Variants in SEL1L3 observed in about 807,000 individuals in gnomAD.
The protein encoded by SEL1L3 is SEL1L family member 3.
Under a neutral mutation model 142.8 loss-of-function variants are expected in SEL1L3, and 76 were observed. The ratio of observed to expected loss-of-function variants is 0.53; its 90% CI spans 0.44 to 0.64. The LOEUF (loss-of-function observed/expected upper bound fraction) is 0.64. Among genes scored for constraint, SEL1L3 ranks in the 30% least tolerant of loss-of-function variants. The pLI, the probability that SEL1L3 is intolerant of heterozygous loss-of-function variation, is 0.00. For missense variants in SEL1L3, 1,262 were observed against 1,381.7 expected, an observed-to-expected ratio of 0.91 and a Z score of 1.37; for synonymous variants, 504 against 519.6, an observed-to-expected ratio of 0.97 and a Z score of 0.41.
chr4:25,844,738 T>C (rs1716398499), intron 2 of SEL1L3, among the ~76,000 whole-genome samples: 1 of 152,216 alleles, frequency 6.6e-6, no homozygotes, highest in Non-Finnish European at 1.5e-5. Context: ...AAATTGTGGC[T>C]GTGTGTGCCC....
chr4:25,836,992 A>G (rs1715869511), intron 2 of SEL1L3, among the ~76,000 whole-genome samples: 1 of 152,092 alleles, frequency 6.6e-6, no homozygotes, highest in Non-Finnish European at 1.5e-5. Context: ...GTAGCCACAA[A>G]TCTTCATGGT....
chr4:25,758,396 A>G (rs1280618481), intron 21 of SEL1L3, among the ~76,000 whole-genome samples: 3 of 152,264 alleles, frequency 2.0e-5, no homozygotes, highest in South Asian at 2.1e-4. Flanking sequence ...ACTTGAACCC[A>G]AGAAGTGGAG....
intron 20 of SEL1L3, among the ~76,000 whole-genome samples, chr4:25,763,992 A>G (rs1308243874): frequency 6.6e-6 from 1 of 152,224 alleles, no homozygotes; most frequent in Non-Finnish European, 1.5e-5. Flanking sequence ...CCATCATGAA[A>G]ATGATTCTGA....
chr4:25,724,344 G>A, the SEL1L3 span, among the ~76,000 whole-genome samples: 9 of 152,016 alleles, frequency 5.9e-5, no homozygotes, highest in South Asian at 2.1e-4. Context: ...GCTTGAGCCC[G>A]GGAGGTTCAG....
chr4:25,844,473 C>T (rs1340051461), intron 2 of SEL1L3, among the ~76,000 whole-genome samples: 2 of 152,170 alleles, frequency 1.3e-5, no homozygotes, highest in East Asian at 1.9e-4. Context: ...TAAGGTAATG[C>T]TCTGAAGCAG....
At chr4:25,723,255 T>G in the SEL1L3 span, among the ~76,000 whole-genome samples, 5 of 152,230 alleles carry the variant, frequency 3.3e-5, no homozygotes, top group African/African-American at 1.2e-4. Context: ...TGAGCCCAGC[T>G]GGCTTGATGC....
intron 17 of SEL1L3, among the ~76,000 whole-genome samples, chr4:25,768,688 T>C (rs920989382): frequency 6.6e-6 from 1 of 152,140 alleles, no homozygotes; most frequent in African/African-American, 2.4e-5. Flanking sequence ...AACAAATGTC[T>C]GAAAATCAGA....
At chr4:25,859,655 G>A (rs1382741401) in intron 1 of SEL1L3, among the ~76,000 whole-genome samples, 2 of 152,256 alleles carry the variant, frequency 1.3e-5, no homozygotes, top group Non-Finnish European at 2.9e-5. Context: ...CAAATCATAG[G>A]CAATTTGGCT....
intron 19 of SEL1L3, among the ~76,000 whole-genome samples, chr4:25,767,031 C>T (rs1040057150): frequency 4.6e-5 from 7 of 152,302 alleles, no homozygotes; most frequent in African/African-American, 1.7e-4. Context: ...GTGGCTCACG[C>T]CTGTAACCCC....
At chr4:25,799,532 G>A (rs1280764044) in intron 11 of SEL1L3, among the ~76,000 whole-genome samples, 1 of 152,190 alleles carries the variant, frequency 6.6e-6, no homozygotes, top group African/African-American at 2.4e-5. Context: ...ATTTTGGCAA[G>A]ACACAATTCA....
chr4:25,853,729 T>C (rs192085646), intron 1 of SEL1L3, among the ~76,000 whole-genome samples: 2 of 132,712 alleles, frequency 1.5e-5, no homozygotes, highest in Admixed American at 1.7e-4. Flanking sequence ...TGGAGTGCAA[T>C]AGGGCAATCT....
At chr4:25,715,497 C>T in the SEL1L3 span, among the ~76,000 whole-genome samples, 1 of 152,016 alleles carries the variant, frequency 6.6e-6, no homozygotes, top group Non-Finnish European at 1.5e-5. Context: ...TTTACAACCC[C>T]TATGGTGGAA....
In SEL1L3 at chr4:25,842,737, C is replaced by T. The variant is rs1284223480; in HGVS notation, c.733+4557G>A. ...AGCATTCATTCAATCAACAAGTAGT[C>T]ATGAGTGCAGGGGCCTATGATCAGC... On this transcript the variant is annotated intron_variant, in intron 2 of 23. Coordinates refer to ENST00000399878, the MANE Select transcript of SEL1L3 (RefSeq NM_015187.5). Among the ~76,000 whole-genome samples, 4 of 152,244 alleles carry T rather than the reference C, an allele frequency of 2.6e-5. No individual in the cohort carries two copies. The East Asian group carries it at 7.7e-4, about 29-fold the overall frequency.
chr4:25,760,229 T>C (rs1361350492), intron 20 of SEL1L3, among the ~76,000 whole-genome samples: 2 of 152,202 alleles, frequency 1.3e-5, no homozygotes, highest in African/African-American at 2.4e-5. Context: ...GCTCCATCCA[T>C]GTTCCTGCAA....
rs374939655 is a variant in SEL1L3, at chr4:25,828,594, C to T, written c.1157+1504G>A. ...GAGATGGGGGTTTCACTATGTTGAC[C>T]AGGCTGGTCTTGAACTCCTTGCCTC... On this transcript the variant is annotated intron_variant, in intron 6 of 23. Transcript: ENST00000399878. Among the ~76,000 whole-genome samples, 6 of 152,068 alleles carry T rather than the reference C, an allele frequency of 3.9e-5. No homozygotes were observed. The East Asian group carries it at 9.7e-4, about 25-fold the overall frequency.
intron 11 of SEL1L3, among the ~76,000 whole-genome samples, chr4:25,792,620 G>T (rs539781476): frequency 3.3e-5 from 5 of 152,368 alleles, no homozygotes; most frequent in African/African-American, 1.2e-4. Context: ...TTTGGCAAAT[G>T]AGTGGTGGAG....
chr4:25,785,218 G>A (rs1040913991), intron 13 of SEL1L3, among the ~76,000 whole-genome samples: 1 of 152,152 alleles, frequency 6.6e-6, no homozygotes, highest in Non-Finnish European at 1.5e-5. Context: ...CTATTTAAAC[G>A]CTTAGCTCTA....
At chr4:25,764,276 C>T (rs1257433578) in intron 20 of SEL1L3, among the ~76,000 whole-genome samples, 1 of 152,138 alleles carries the variant, frequency 6.6e-6, no homozygotes, top group Non-Finnish European at 1.5e-5. Flanking sequence ...AAATATACAA[C>T]TCAATCTAAT....
intron 11 of SEL1L3, among the ~76,000 whole-genome samples, chr4:25,798,884 AG>A (rs1451898380): frequency 6.6e-6 from 1 of 152,130 alleles, no homozygotes; most frequent in African/African-American, 2.4e-5. Flanking sequence ...TCCATCTGCT[AG>A]GGCTGCCATA....
Sources: allele counts gnomAD v4.1 joint callset (sites outside exome capture counted in the v4.1 genomes callset), GRCh38; gene constraint gnomAD v4.1.1; transcripts MANE v1.5; gene names NCBI Gene and HGNC (gene_info 2026-07-23, HGNC 2026-07-21).